COL19A1: variants seen among roughly 807,000 people sequenced by gnomAD.
COL19A1 encodes collagen type XIX alpha 1 chain.
In COL19A1, 159 loss-of-function variants were observed where a neutral mutation model predicts 190.2. The ratio of observed to expected loss-of-function variants is 0.84; its 90% CI spans 0.73 to 0.95. The LOEUF (loss-of-function observed/expected upper bound fraction) is 0.95. COL19A1 is among the 40% of genes least tolerant of loss of function. The pLI, the probability that COL19A1 is intolerant of heterozygous loss-of-function variation, is 0.00. For synonymous variants in COL19A1, 509 were observed against 458.9 expected, an observed-to-expected ratio of 1.11 and a Z score of -1.39; for missense variants, 1,418 against 1,431.9, an observed-to-expected ratio of 0.99 and a Z score of 0.16.
intron 18 of COL19A1, among the ~76,000 whole-genome samples, chr6:70,131,357 C>G (rs541916745): frequency 4.3e-4 from 65 of 152,248 alleles, no homozygotes; most frequent in Non-Finnish European, 8.2e-4. Context: ...TGCAACCAAT[C>G]CATTCAAAAA....
In COL19A1 at chr6:70,010,484, C is replaced by T. The variant is rs1485081321; in HGVS notation, c.1027-13143C>T. Among the ~76,000 whole-genome samples the T allele has an allele frequency of 4.9e-5, 7 of 142,716 alleles. 1 individual carries two copies. 93.6% of individuals were successfully genotyped at this position (142,716 alleles called of 152,430 possible). On this transcript the variant is annotated intron_variant, in intron 11 of 50. Transcript: ENST00000620364. Reference sequence around the variant, plus strand: ...TCACTAGGGAGTGCCAGAGAGTTGGCGCAGGCCAGTGTGTGTGCGCACCGT... The same window carrying T: ...TCACTAGGGAGTGCCAGAGAGTTGGTGCAGGCCAGTGTGTGTGCGCACCGT...
intron 42 of COL19A1, among the ~76,000 whole-genome samples, chr6:70,178,039 A>T (rs1194108753): frequency 6.6e-6 from 1 of 152,232 alleles, no homozygotes; most frequent in Admixed American, 6.5e-5. Flanking sequence ...ACTTAGTTGG[A>T]TGTCTAAGAT....
chr6:70,024,608 T>C (rs887471084), intron 12 of COL19A1, among the ~76,000 whole-genome samples: 3 of 148,442 alleles, frequency 2.0e-5, no homozygotes, highest in Non-Finnish European at 4.5e-5. Flanking sequence ...TGTGTGTGTG[T>C]GTGTGTGGGT....
At chr6:69,975,794 A>T (rs759125466) in intron 11 of COL19A1, among the ~76,000 whole-genome samples, 9 of 152,180 alleles carry the variant, frequency 5.9e-5, no homozygotes, top group Non-Finnish European at 8.8e-5. Flanking sequence ...GCACTGTGAC[A>T]CACCACTGGA....
At chr6:69,889,630 G>C (rs1769193610) in intron 2 of COL19A1, among the ~76,000 whole-genome samples, 1 of 151,866 alleles carries the variant, frequency 6.6e-6, no homozygotes, top group African/African-American at 2.4e-5. Flanking sequence ...TCTAGCTAAA[G>C]GACTGTAAAT....
At chr6:70,121,602 C>T (rs534509253) in intron 16 of COL19A1, among the ~76,000 whole-genome samples, 1 of 152,186 alleles carries the variant, frequency 6.6e-6, no homozygotes, top group South Asian at 2.1e-4. Flanking sequence ...TAATTCCTTT[C>T]AATAAAGAAT....
chr6:70,045,475 A>G lies in COL19A1; in HGVS notation c.1170+9536A>G, dbSNP rs191084224. On this transcript the variant is annotated intron_variant, in intron 14 of 50. Coordinates refer to ENST00000620364, the MANE Select transcript of COL19A1 (RefSeq NM_001858.6). Reference sequence around the variant, plus strand: ...TTGTATTTTGGATACTATGAATGGTAAGTTACAGGAACTCTGAATTCCATT... The same window carrying G: ...TTGTATTTTGGATACTATGAATGGTGAGTTACAGGAACTCTGAATTCCATT... 9.9e-5 allele frequency among the ~76,000 whole-genome samples: 15 copies of G among 152,252 alleles called. No individual in the cohort carries two copies. The South Asian group carries it at 1.2e-3, about 13-fold the overall frequency.
At chr6:70,201,275 T>A (rs1165540979) in intron 49 of COL19A1, among the ~76,000 whole-genome samples, 2 of 152,188 alleles carry the variant, frequency 1.3e-5, no homozygotes, top group East Asian at 3.8e-4. Context: ...CCTGTTCCAC[T>A]CAAACACCTG....
At chr6:69,953,720 C>T (rs1394500201) in intron 9 of COL19A1, among the ~76,000 whole-genome samples, 1 of 151,970 alleles carries the variant, frequency 6.6e-6, no homozygotes, top group Non-Finnish European at 1.5e-5. Context: ...GTATCTGGCA[C>T]CCAGGCACTT....
intron 4 of COL19A1, among the ~76,000 whole-genome samples, chr6:69,918,996 G>C (rs539853395): frequency 6.6e-6 from 1 of 152,184 alleles, no homozygotes; most frequent in Non-Finnish European, 1.5e-5. Context: ...GAGCACAGGA[G>C]AGAGAAATAG....
intron 15 of COL19A1, among the ~76,000 whole-genome samples, chr6:70,074,280 C>A (rs1781730963): frequency 6.6e-6 from 1 of 152,074 alleles, no homozygotes; most frequent in Non-Finnish European, 1.5e-5. Context: ...GGGCGGATCA[C>A]TTGAGATCAG....
chr6:70,149,814 C>T (rs13192675), intron 28 of COL19A1, 37 bp from the exon 29 acceptor site: 2 of 1,613,540 alleles, frequency 1.2e-6, no homozygotes, highest in Non-Finnish European at 1.7e-6. Context: ...AAAGACCATC[C>T]TCATAAGTAA....
intron 15 of COL19A1, among the ~76,000 whole-genome samples, chr6:70,079,756 A>G (rs1200938711): frequency 6.6e-6 from 1 of 152,192 alleles, no homozygotes; most frequent in African/African-American, 2.4e-5. Flanking sequence ...GATATTGAGA[A>G]AGTCAGGGGA....
intron 48 of COL19A1, among the ~76,000 whole-genome samples, chr6:70,192,559 C>T (rs1020623440): frequency 6.7e-6 from 1 of 150,236 alleles, no homozygotes; most frequent in Admixed American, 6.7e-5. Context: ...ACTTTGCTTT[C>T]CAAACACTCA....
chr6:69,919,665 G>A (rs1771565516), intron 4 of COL19A1, among the ~76,000 whole-genome samples: 1 of 151,998 alleles, frequency 6.6e-6, no homozygotes, highest in African/African-American at 2.4e-5. Context: ...CCTATACAGT[G>A]GAATTGCTTC....
intron 24 of COL19A1, 81 bp downstream of exon 24, chr6:70,144,344 A>G (rs1786471504): frequency 5.7e-6 from 7 of 1,221,280 alleles, no homozygotes; most frequent in Non-Finnish European, 8.3e-6. Flanking sequence ...ATGAAAGGAC[A>G]GCCCAGGGCT....
intron 15 of COL19A1, among the ~76,000 whole-genome samples, chr6:70,100,227 T>C (rs936162117): frequency 1.3e-5 from 2 of 152,152 alleles, no homozygotes; most frequent in African/African-American, 4.8e-5. Context: ...TTTAGTTTCT[T>C]TGTGTTGTTG....
intron 12 of COL19A1, among the ~76,000 whole-genome samples, chr6:70,030,400 T>C (rs779755756): frequency 1.3e-5 from 2 of 152,128 alleles, no homozygotes; most frequent in Non-Finnish European, 2.9e-5. Flanking sequence ...CAGAACTCAA[T>C]GTGAGAACTA....
At chr6:70,031,023 C>A (rs778611263) in intron 12 of COL19A1, among the ~76,000 whole-genome samples, 8 of 152,140 alleles carry the variant, frequency 5.3e-5, no homozygotes, top group Non-Finnish European at 1.0e-4. Context: ...TGTCATTTTC[C>A]TGCTTAAAAC....
Sources: gnomAD v4.1 joint callset for allele counts (sites outside exome capture counted in the v4.1 genomes callset) on GRCh38, gnomAD v4.1.1 for gene constraint, MANE v1.5 for transcripts, NCBI Gene and HGNC (gene_info 2026-07-23, HGNC 2026-07-21) for gene names.